ITIH5: variants seen among roughly 807,000 people sequenced by gnomAD.
The protein encoded by ITIH5 is inter-alpha-trypsin inhibitor heavy chain 5.
Under a neutral mutation model 77.5 loss-of-function variants are expected in ITIH5, and 65 were observed. The ratio of observed to expected loss-of-function variants is 0.84; its 90% CI spans 0.69 to 1.03. The LOEUF (loss-of-function observed/expected upper bound fraction) is 1.03, where lower values mean the gene tolerates loss of function less well. Among genes scored for constraint, ITIH5 ranks in the 50% least tolerant of loss-of-function variants. ITIH5 has a pLI of 0.00. For synonymous variants in ITIH5, 525 were observed against 494.3 expected (o/e 1.06, Z -0.82); for missense variants, 1,208 against 1,213.1 (o/e 1.00, Z 0.06).
intron 7 of ITIH5, among the ~76,000 whole-genome samples, chr10:7,592,738 C>T (rs1832818216): frequency 6.6e-6 from 1 of 152,214 alleles, no homozygotes; most frequent in Non-Finnish European, 1.5e-5. Context: ...GTGCTGGGCC[C>T]TTCTCACCCT....
intron 2 of ITIH5, among the ~76,000 whole-genome samples, chr10:7,647,703 T>G (rs564349908): frequency 6.6e-6 from 1 of 152,222 alleles, no homozygotes; most frequent in African/African-American, 2.4e-5. Flanking sequence ...TTCTGATCTT[T>G]ACACACTTTG....
intron 5 of ITIH5, among the ~76,000 whole-genome samples, chr10:7,627,071 T>C (rs61834787): frequency 0.14 from 20,585 of 152,108 alleles, 1,561 homozygotes; most frequent in Non-Finnish European, 0.15. Context: ...ACAACCGAAG[T>C]CTTCACAGCA....
Position 7,559,374 on chromosome 10 carries a change from A to G in ITIH5, c.*3709T>C, listed in dbSNP as rs2130927420. The G allele has an allele frequency of 7.0e-6, 1 of 142,854 alleles. No individual in the cohort carries two copies. The highest frequency in any genetic ancestry group is 2.0e-4 in the East Asian group (1 of 5,102). 8.8% of individuals were successfully genotyped at this position (142,854 alleles called of 1,614,324 possible). On this transcript the variant is annotated 3_prime_UTR_variant, in exon 14 of 14. Coordinates refer to ENST00000397146, the MANE Select transcript of ITIH5 (RefSeq NM_030569.7). The stretch of plus-strand genomic sequence containing the variant: ...GTTTGTTTTTATGCATCGTTCTCTT[A>G]TAAATTTTTTGTCTAAGTAAAATGT...
At chr10:7,649,908 T>G (rs976838311) in intron 2 of ITIH5, among the ~76,000 whole-genome samples, 14 of 152,244 alleles carry the variant, frequency 9.2e-5, no homozygotes, top group African/African-American at 3.4e-4. Context: ...AGTGCACGGT[T>G]CTTAAAAATC....
At chr10:7,588,781 C>T (rs1452974672) in intron 7 of ITIH5, among the ~76,000 whole-genome samples, 5 of 152,224 alleles carry the variant, frequency 3.3e-5, no homozygotes, top group Admixed American at 3.3e-4. Context: ...TAGGCATATG[C>T]GGAGTGTACA....
At chr10:7,660,814 G>C (rs528900151) in intron 1 of ITIH5, among the ~76,000 whole-genome samples, 4 of 152,172 alleles carry the variant, frequency 2.6e-5, no homozygotes. Flanking sequence ...GTAATGACCC[G>C]GTTGACTTAA....
chr10:7,571,832 C>G, intron 11 of ITIH5: 1 of 316,208 alleles, frequency 3.2e-6, no homozygotes, highest in Non-Finnish European at 4.6e-6. Flanking sequence ...AAAAAAAGTC[C>G]GTACACATTC....
At chr10:7,660,972 A>G (rs1484330872) in intron 1 of ITIH5, among the ~76,000 whole-genome samples, 1 of 152,222 alleles carries the variant, frequency 6.6e-6, no homozygotes, top group African/African-American at 2.4e-5. Context: ...ATCGGGCCAC[A>G]CAGCAGGTGA....
At chr10:7,628,402 C>A (rs182396610) in intron 5 of ITIH5, among the ~76,000 whole-genome samples, 246 of 152,344 alleles carry the variant, frequency 1.6e-3, no homozygotes, top group Non-Finnish European at 2.8e-3. Flanking sequence ...TGGCTTCTTT[C>A]ACTTAGCATA....
intron 2 of ITIH5, among the ~76,000 whole-genome samples, chr10:7,643,137 A>C (rs1023102863): frequency 1.3e-5 from 2 of 152,180 alleles, no homozygotes; most frequent in Non-Finnish European, 2.9e-5. Context: ...GCACCAAGAA[A>C]GACCATGTGG....
intron 9 of ITIH5, chr10:7,578,158 T>A (rs1185913426): frequency 1.9e-5 from 3 of 155,548 alleles, no homozygotes; most frequent in Non-Finnish European, 4.4e-5. Flanking sequence ...AGAAGGAGCT[T>A]GGGTCCCTGA....
In ITIH5 at chr10:7,616,022, A is replaced by G. The variant is rs1833358063; in HGVS notation, c.899T>C (p.Leu300Pro). The change falls in exon 7 of 14, where the codon CTT becomes CCT. Residue 300 changes from leucine to proline, a missense_variant. Physicochemically the swap from Leu to Pro is moderately conservative, Grantham distance 98. Transcript: ENST00000397146. ...TCCCACCATAGAAGCACTGCTGTCAAGCACGAATACCACATTCTTGGGTAA... is the reference window on the plus strand; with the variant it reads ...TCCCACCATAGAAGCACTGCTGTCAGGCACGAATACCACATTCTTGGGTAA... ...PPLPKNVVFV[L>P]DSSASMVGTK... The G allele has an allele frequency of 6.2e-7, 1 of 1,613,568 alleles. No individual in the cohort carries two copies. Among genetic ancestry groups the G allele is most frequent in the Middle Eastern group, 1.7e-4 (1 of 6,060 alleles).
At chr10:7,586,541 A>T (rs1026300902) in intron 7 of ITIH5, among the ~76,000 whole-genome samples, 15 of 152,150 alleles carry the variant, frequency 9.9e-5, no homozygotes, top group Non-Finnish European at 7.3e-5. Context: ...ACATCACACG[A>T]TGATGATTGT....
At chr10:7,666,592 G>A (rs1455948180) in intron 1 of ITIH5, among the ~76,000 whole-genome samples, 1 of 152,176 alleles carries the variant, frequency 6.6e-6, no homozygotes, top group Non-Finnish European at 1.5e-5. Context: ...GACAAGTCCC[G>A]GGCACAGTTC....
intron 10 of ITIH5, among the ~76,000 whole-genome samples, chr10:7,574,655 C>T (rs768490273): frequency 7.9e-5 from 12 of 151,760 alleles, no homozygotes; most frequent in South Asian, 4.2e-4. Flanking sequence ...TAGCCGGGCG[C>T]GGTGGTGGGC....
At chr10:7,582,116 C>G (rs572733889) in intron 8 of ITIH5, among the ~76,000 whole-genome samples, 8 of 152,190 alleles carry the variant, frequency 5.3e-5, no homozygotes, top group African/African-American at 1.9e-4. Context: ...ACCTTGTGAT[C>G]TGCCCGCCTC....
At chr10:7,578,101 T>C (rs1288170996) in intron 9 of ITIH5, among the ~76,000 whole-genome samples, 1 of 152,188 alleles carries the variant, frequency 6.6e-6, no homozygotes, top group African/African-American at 2.4e-5. Flanking sequence ...TGAATTTCAA[T>C]CCTGTAGCAT....
chr10:7,596,352 T>C (rs1832896759), intron 7 of ITIH5, among the ~76,000 whole-genome samples: 2 of 152,156 alleles, frequency 1.3e-5, no homozygotes, highest in Admixed American at 1.3e-4. Flanking sequence ...TCGCGTCTAA[T>C]AAGACCCTCA....
chr10:7,665,437 C>T (rs1489214078), intron 1 of ITIH5, among the ~76,000 whole-genome samples: 1 of 152,174 alleles, frequency 6.6e-6, no homozygotes, highest in Non-Finnish European at 1.5e-5. Context: ...TGTCATAATG[C>T]ATTCAGTCCT....
Sources: gnomAD v4.1 joint callset for allele counts (sites outside exome capture counted in the v4.1 genomes callset) on GRCh38, gnomAD v4.1.1 for gene constraint, MANE v1.5 for transcripts, NCBI Gene and HGNC (gene_info 2026-07-23, HGNC 2026-07-21) for gene names.